LCP1: variants seen among roughly 807,000 people sequenced by gnomAD.
LCP1 encodes the protein plastin-2.
In LCP1, 23 loss-of-function variants were observed where a neutral mutation model predicts 72.0. That is an observed-to-expected ratio of 0.32 (90% CI 0.23 to 0.45). The LOEUF (loss-of-function observed/expected upper bound fraction) is 0.45. Among genes scored for constraint, LCP1 ranks in the 20% least tolerant of loss-of-function variants. LCP1 has a pLI of 1.00. For missense variants in LCP1, 571 were observed against 748.3 expected, an observed-to-expected ratio of 0.76 and a Z score of 2.76; for synonymous variants, 245 against 275.4, an observed-to-expected ratio of 0.89 and a Z score of 1.09.
At chr13:46,135,248 A>G (rs1177638270) in intron 13 of LCP1, among the ~76,000 whole-genome samples, 2 of 152,106 alleles carry the variant, frequency 1.3e-5, no homozygotes, top group African/African-American at 4.8e-5. Context: ...GGGTTTGTGG[A>G]CTTCATGGTT....
intron 8 of LCP1, 24 bp downstream of exon 8, chr13:46,150,912 A>T: frequency 6.2e-7 from 1 of 1,608,222 alleles, no homozygotes; most frequent in Non-Finnish European, 8.5e-7. Context: ...GCAGAGAGTC[A>T]TGTTCAAACA....
Position 46,152,779 on chromosome 13 carries a change from C to T in LCP1, c.739+1G>A. The T allele has an allele frequency of 6.2e-7, 1 of 1,613,020 alleles. No individual in the cohort carries two copies. On this transcript the variant is annotated splice_donor_variant, in intron 7 of 15. Transcript: ENST00000323076. LOFTEE classifies it high-confidence loss of function. ...AAATGACCTTTGGGACTTGCTCTTACCTTCATTTCTGCTGAGTTCAATGTC... is the reference window on the plus strand; with the variant it reads ...AAATGACCTTTGGGACTTGCTCTTATCTTCATTTCTGCTGAGTTCAATGTC...
intron 8 of LCP1, 65 bp downstream of exon 8, chr13:46,150,870 CT>C: frequency 6.5e-7 from 1 of 1,529,974 alleles, no homozygotes; most frequent in Admixed American, 1.9e-5. Context: ...TTTATCTTTT[CT>C]TTATTATTGC....
chr13:46,129,453 T>A (rs1289919035), intron 15 of LCP1, among the ~76,000 whole-genome samples: 1 of 152,184 alleles, frequency 6.6e-6, no homozygotes, highest in African/African-American at 2.4e-5. Flanking sequence ...ACTTCCTTCT[T>A]ACTTGTCTTT....
At chr13:46,174,661 T>C (rs990551577) in intron 1 of LCP1, among the ~76,000 whole-genome samples, 3 of 151,934 alleles carry the variant, frequency 2.0e-5, no homozygotes, top group Non-Finnish European at 4.4e-5. Flanking sequence ...CTGGCCAATG[T>C]GGTGAAACCC....
chr13:46,136,174 C>T (rs1002391645), intron 13 of LCP1, among the ~76,000 whole-genome samples: 11 of 152,034 alleles, frequency 7.2e-5, no homozygotes, highest in African/African-American at 2.4e-4. Flanking sequence ...ACACCTCCAT[C>T]CTCCTTCTGC....
At chr13:46,140,579 C>T (rs113475838) in intron 13 of LCP1, among the ~76,000 whole-genome samples, 2,248 of 152,206 alleles carry the variant, frequency 0.015, 32 homozygotes, top group Non-Finnish European at 0.02. Flanking sequence ...ATCCAGTACA[C>T]AGCAAGGTCA....
At chr13:46,160,584 T>C (rs2045831914) in intron 1 of LCP1, among the ~76,000 whole-genome samples, 1 of 152,218 alleles carries the variant, frequency 6.6e-6, no homozygotes, top group African/African-American at 2.4e-5. Context: ...AGGCGCTTTC[T>C]AGGTGTTTTC....
At position 46,154,832 on chromosome 13, in the gene LCP1, T is replaced by C. The variant is rs1379983829; in HGVS notation, c.546A>G (p.Lys182=). Residue 182 remains lysine, a synonymous_variant, in exon 6 of 16, where the codon AAA becomes AAG. Coordinates refer to ENST00000323076, the MANE Select transcript of LCP1 (RefSeq NM_002298.5). ...PDTIDERTIN[K]KKLTPFTIQE... ...GAATGGTGAAAGGGGTTAGCTTCTT[T>C]TTGTTGATTGTTCTTTCATCAATTG... 1.9e-6 allele frequency: 3 copies of C among 1,614,018 alleles called. No individual in the cohort carries two copies. Among genetic ancestry groups the C allele is most frequent in the African/African-American group, 2.7e-5 (2 of 74,940 alleles).
chr13:46,158,503 A>C lies in LCP1; in HGVS notation c.358+19T>G, dbSNP rs767753970. ...TCTGTAATCCTGAAATCCTGCTCCA[A>C]CCCAGGAGTTGAGCCTACCTGAATA... On this transcript the variant is annotated intron_variant, in intron 4 of 15. Transcript: ENST00000323076. The C allele has an allele frequency of 6.2e-7, 1 of 1,611,158 alleles. No homozygotes were observed.
chr13:46,130,494 T>A (rs1262120307), intron 15 of LCP1, among the ~76,000 whole-genome samples: 1 of 152,188 alleles, frequency 6.6e-6, no homozygotes, highest in Non-Finnish European at 1.5e-5. Flanking sequence ...TTCTTATCCA[T>A]GAATATTCAT....
chr13:46,139,312 T>C (rs1051494589), intron 13 of LCP1, among the ~76,000 whole-genome samples: 5 of 152,214 alleles, frequency 3.3e-5, no homozygotes, highest in African/African-American at 1.2e-4. Context: ...GTAATGGAGC[T>C]CTATACTTAG....
chr13:46,178,972 GA>G (rs1481737188), intron 1 of LCP1, among the ~76,000 whole-genome samples: 1 of 152,184 alleles, frequency 6.6e-6, no homozygotes, highest in Non-Finnish European at 1.5e-5. Context: ...GTAACAAGGA[GA>G]AGTTGACTTG....
chr13:46,126,333 G>T lies in LCP1; in HGVS notation c.*1258C>A, dbSNP rs1266603343. On this transcript the variant is annotated 3_prime_UTR_variant, in exon 16 of 16. Transcript: ENST00000323076. ...TTTAGGGGGAAATTGCTCAACCTAT[G>T]AGACCTGCTCAAATTCATACTGTTC... 1 of 229,826 alleles carries T rather than the reference G, an allele frequency of 4.4e-6. No homozygotes were observed. Among genetic ancestry groups the T allele is most frequent in the Non-Finnish European group, 8.6e-6 (1 of 115,866 alleles). The allele number at this position is 229,826 out of a possible 1,614,324, so 14.2% of individuals were successfully genotyped here.
rs190893269 is a variant in LCP1 at position 46,131,205 on chromosome 13, G to A, written c.1627-267C>T. ...GAAGTTAGCACAACTAGAGAAAGACGTAAAGTTAAAATAGTGGATTGTGTC... is the reference window on the plus strand; with the variant it reads ...GAAGTTAGCACAACTAGAGAAAGACATAAAGTTAAAATAGTGGATTGTGTC... On this transcript the variant is annotated intron_variant, in intron 14 of 15. Coordinates refer to ENST00000323076, the MANE Select transcript of LCP1 (RefSeq NM_002298.5). Among the ~76,000 whole-genome samples the A allele has an allele frequency of 4.1e-4, 63 of 152,242 alleles. No homozygotes were observed. In the East Asian group the frequency reaches 0.011, roughly 26 times the overall value.
chr13:46,174,304 ATT>A (rs143380629), intron 1 of LCP1, among the ~76,000 whole-genome samples: 7 of 151,958 alleles, frequency 4.6e-5, no homozygotes, highest in Non-Finnish European at 4.4e-5. Flanking sequence ...CTTTATCTTC[ATT>A]TTTTTTAAAA....
rs376608523 is a variant in LCP1, at chr13:46,144,390, G to A, written c.1253+52C>T. 4.5e-6 allele frequency: 6 copies of A among 1,320,290 alleles called. No individual in the cohort carries two copies. The African/African-American group carries it at 8.7e-5, about 19-fold the overall frequency. The allele number at this position is 1,320,290 out of a possible 1,614,324, so 81.8% of individuals were successfully genotyped here. On this transcript the variant is annotated intron_variant, in intron 11 of 15. Coordinates refer to ENST00000323076, the MANE Select transcript of LCP1 (RefSeq NM_002298.5). ...TCATAGTGGTATTTGGAATCCTATGGCTCTTTTGAGGTCTCTATCTTACAT... is the reference window on the plus strand; with the variant it reads ...TCATAGTGGTATTTGGAATCCTATGACTCTTTTGAGGTCTCTATCTTACAT...
At chr13:46,171,847 C>G (rs1455032881) in intron 1 of LCP1, among the ~76,000 whole-genome samples, 1 of 152,260 alleles carries the variant, frequency 6.6e-6, no homozygotes, top group Non-Finnish European at 1.5e-5. Flanking sequence ...TTCTTCAATA[C>G]AGTCAGCCCT....
intron 1 of LCP1, among the ~76,000 whole-genome samples, chr13:46,173,590 GT>G (rs1178372108): frequency 5.1e-5 from 2 of 39,570 alleles, no homozygotes; most frequent in East Asian, 0.013. Flanking sequence ...AAGATTAGTT[GT>G]GTTGTATACT....
Sources: allele counts gnomAD v4.1 joint callset (sites outside exome capture counted in the v4.1 genomes callset), GRCh38; gene constraint gnomAD v4.1.1; transcripts MANE v1.5; gene names NCBI Gene and HGNC (gene_info 2026-07-23, HGNC 2026-07-21).